Variants in ORC4 observed in about 807,000 individuals in gnomAD.
The protein encoded by ORC4 is origin recognition complex, subunit 4 homolog.
Under a neutral mutation model 63.9 loss-of-function variants are expected in ORC4, and 55 were observed. The ratio of observed to expected loss-of-function variants is 0.86; its 90% CI spans 0.69 to 1.08. ORC4 has a LOEUF of 1.08. ORC4 is among the 50% of genes least tolerant of loss of function. ORC4 has a pLI of 0.00. For synonymous variants in ORC4, 150 were observed against 168.5 expected (o/e 0.89, Z 0.85); for missense variants, 511 against 504.4 (o/e 1.01, Z -0.13).
intron 7 of ORC4, among the ~76,000 whole-genome samples, chr2:147,952,743 T>G (rs1689030197): frequency 6.6e-6 from 1 of 152,190 alleles, no homozygotes; most frequent in Admixed American, 6.5e-5. Context: ...AAGTTCAGTC[T>G]AGGCTGGGCG....
At chr2:148,003,546 G>A (rs1009254166) in intron 1 of ORC4, among the ~76,000 whole-genome samples, 1 of 152,082 alleles carries the variant, frequency 6.6e-6, no homozygotes, top group Non-Finnish European at 1.5e-5. Flanking sequence ...AAACGCCTTC[G>A]ACAAAATTCA....
chr2:147,996,778 C>T (rs1053799118), intron 1 of ORC4, among the ~76,000 whole-genome samples: 6 of 152,172 alleles, frequency 3.9e-5, no homozygotes, highest in Non-Finnish European at 7.4e-5. Context: ...GAAGGTAGAG[C>T]AATGGGAACT....
chr2:147,979,846 T>C (rs1454204429), intron 1 of ORC4, among the ~76,000 whole-genome samples: 6 of 152,094 alleles, frequency 3.9e-5, no homozygotes, highest in South Asian at 2.1e-4. Flanking sequence ...CTTCAAGAAA[T>C]GGTGTTAGGA....
Position 147,931,315 on chromosome 2 carries a change from A to G in ORC4, c.*4195T>C, listed in dbSNP as rs1156796208. ...TATTGTGAATAATGCCACAATAAAC[A>G]TACGTGTGCATGTGTCTTTATAGCA... On this transcript the variant is annotated 3_prime_UTR_variant, in exon 14 of 14. Coordinates refer to ENST00000392857, the MANE Select transcript of ORC4 (RefSeq NM_181741.4). 8 of 151,966 alleles carry G rather than the reference A, an allele frequency of 5.3e-5. No homozygotes were observed. Among genetic ancestry groups the G allele is most frequent in the African/African-American group, 1.9e-4 (8 of 41,434 alleles). The allele number at this position is 151,966 out of a possible 1,614,324, so 9.4% of individuals were successfully genotyped here. A position where few individuals can be genotyped will look rare whatever the true frequency, so the allele number is the denominator to read the frequency against.
intron 10 of ORC4, among the ~76,000 whole-genome samples, chr2:147,940,142 T>C (rs1688281704): frequency 6.6e-6 from 1 of 152,170 alleles, no homozygotes; most frequent in Non-Finnish European, 1.5e-5. Flanking sequence ...TCTCTCTCCT[T>C]TCCTTTTTCC....
intron 4 of ORC4, among the ~76,000 whole-genome samples, chr2:147,964,899 G>C (rs1045462963): frequency 2.0e-4 from 31 of 152,012 alleles, no homozygotes; most frequent in African/African-American, 7.5e-4. Flanking sequence ...CAGGACAGAG[G>C]GGAATGGGAT....
chr2:147,994,299 T>A (rs1327545376), intron 1 of ORC4, among the ~76,000 whole-genome samples: 1 of 152,122 alleles, frequency 6.6e-6, no homozygotes, highest in Non-Finnish European at 1.5e-5. Context: ...ATCTATAAAT[T>A]CAATGCAATC....
chr2:147,970,179 A>C (rs1365631362), intron 4 of ORC4, among the ~76,000 whole-genome samples: 5 of 152,180 alleles, frequency 3.3e-5, no homozygotes, highest in Non-Finnish European at 7.4e-5. Context: ...TATTAAGAAA[A>C]CTACAAAAAC....
intron 1 of ORC4, among the ~76,000 whole-genome samples, chr2:147,977,192 A>T (rs1162049978): frequency 6.6e-6 from 1 of 152,224 alleles, no homozygotes; most frequent in Non-Finnish European, 1.5e-5. Flanking sequence ...ACAGTATATA[A>T]ATGGAAGAGC....
chr2:147,975,998 AT>A, intron 1 of ORC4, 23 bp from the exon 2 acceptor site: 1 of 1,113,028 alleles, frequency 9.0e-7, no homozygotes, highest in Non-Finnish European at 1.4e-6. Context: ...TGGCATAAAT[AT>A]TATAAACGTA....
At chr2:148,001,871 C>A (rs1692331038) in intron 1 of ORC4, among the ~76,000 whole-genome samples, 2 of 152,086 alleles carry the variant, frequency 1.3e-5, no homozygotes, top group Admixed American at 6.6e-5. Flanking sequence ...ACCCACCTCA[C>A]TTGCAAAGAC....
chr2:148,000,202 G>T (rs1371575203), intron 1 of ORC4, among the ~76,000 whole-genome samples: 1 of 152,060 alleles, frequency 6.6e-6, no homozygotes, highest in Non-Finnish European at 1.5e-5. Context: ...GACACAAATT[G>T]TCAGACTGAA....
chr2:147,948,760 A>G (rs190362527), intron 8 of ORC4, among the ~76,000 whole-genome samples: 39 of 151,774 alleles, frequency 2.6e-4, no homozygotes, highest in African/African-American at 9.4e-4. Flanking sequence ...TTTACTGTCA[A>G]AGAACACTAA....
At chr2:147,969,915 A>G (rs1160510478) in intron 4 of ORC4, among the ~76,000 whole-genome samples, 1 of 152,056 alleles carries the variant, frequency 6.6e-6, no homozygotes, top group Admixed American at 6.6e-5. Flanking sequence ...AGGAATAATT[A>G]AAACTGTCTT....
At chr2:148,021,240 G>A, upstream of ORC4, 2 of 270,912 alleles carry the variant, frequency 7.4e-6, no homozygotes, top group South Asian at 3.6e-5. Context: ...GGGGAAGGCG[G>A]CTGAGTTCCT....
intron 10 of ORC4, among the ~76,000 whole-genome samples, chr2:147,941,041 C>A (rs546979646): frequency 9.9e-5 from 15 of 152,138 alleles, no homozygotes; most frequent in South Asian, 4.1e-4. Context: ...GTAACTTTTG[C>A]ACCAACCTAA....
At chr2:147,998,001 A>G (rs909408155) in intron 1 of ORC4, among the ~76,000 whole-genome samples, 3 of 152,230 alleles carry the variant, frequency 2.0e-5, no homozygotes, top group Admixed American at 1.3e-4. Flanking sequence ...AAAAAACACC[A>G]AAGTCTAATG....
upstream of ORC4, chr2:148,020,825 C>T (rs1573918104): frequency 2.0e-5 from 3 of 152,502 alleles, no homozygotes; most frequent in South Asian, 4.0e-4. Context: ...CGTCCACGCC[C>T]ACTTCCGTTC....
At position 147,973,483 on chromosome 2, in the gene ORC4, T is replaced by C; in HGVS notation, c.99A>G (p.Pro33=). The change falls in exon 3 of 14, where the codon CCA becomes CCG. Residue 33 remains proline (P), a synonymous_variant. Coordinates refer to ENST00000392857, the MANE Select transcript of ORC4 (RefSeq NM_181741.4). ...ILRERFCRQS[P]HSNLFGVQVQ... Reference sequence around the variant, plus strand: ...CTTGCACTCCAAATAGGTTACTATGTGGACTCTGACGACAAAATCTTTCAC... The same window carrying C: ...CTTGCACTCCAAATAGGTTACTATGCGGACTCTGACGACAAAATCTTTCAC... 1.2e-6 allele frequency: 2 copies of C among 1,606,906 alleles called. No individual in the cohort carries two copies. The highest frequency in any genetic ancestry group is 1.1e-5 in the South Asian group (1 of 90,632).
Sources: gnomAD v4.1 joint callset for allele counts (sites outside exome capture counted in the v4.1 genomes callset) on GRCh38, gnomAD v4.1.1 for gene constraint, MANE v1.5 for transcripts, NCBI Gene and HGNC (gene_info 2026-07-23, HGNC 2026-07-21) for gene names.